Variants in C1orf198 observed in about 807,000 individuals in gnomAD.
C1orf198 encodes the protein uncharacterized protein C1orf198.
Under a neutral mutation model 31.4 loss-of-function variants are expected in C1orf198, and 17 were observed. That is an observed-to-expected ratio of 0.54 (90% confidence interval 0.37 to 0.81). The LOEUF (loss-of-function observed/expected upper bound fraction) is 0.81. C1orf198 is among the 40% of genes least tolerant of loss of function. The pLI, the probability that C1orf198 is intolerant of heterozygous loss-of-function variation, is 0.00. For synonymous variants in C1orf198, 175 were observed against 193.8 expected, an observed-to-expected ratio of 0.90 and a Z score of 0.81; for missense variants, 401 against 450.3, an observed-to-expected ratio of 0.89 and a Z score of 0.99.
At chr1:230,851,903 G>A (rs1398082032) in intron 2 of C1orf198, among the ~76,000 whole-genome samples, 3 of 152,232 alleles carry the variant, frequency 2.0e-5, no homozygotes, top group African/African-American at 7.2e-5. Context: ...ATGGTCATGG[G>A]CTGGCCAAGA....
chr1:230,867,463 G>T (rs1670146313), intron 1 of C1orf198, among the ~76,000 whole-genome samples: 1 of 152,110 alleles, frequency 6.6e-6, no homozygotes, highest in Admixed American at 6.5e-5. Context: ...CCTGTTATGT[G>T]GCCAAGACTT....
In C1orf198 at chr1:230,838,058, A is replaced by G. The variant is rs762675515; in HGVS notation, c.*1794T>C. ...TACATTTGCTACCATAGGTTCTACA[A>G]CAGCCCCATGCCCTCCAGGCAGAAG... On this transcript the variant is annotated 3_prime_UTR_variant, in exon 4 of 4. Transcript: ENST00000366663. The surrounding 1 kb of genome is among the most constrained non-coding windows in gnomAD (Gnocchi z 4.2). The G allele has an allele frequency of 2.6e-5, 4 of 152,244 alleles. No homozygotes were observed. The highest frequency in any genetic ancestry group is 5.9e-5 in the Non-Finnish European group (4 of 68,068). 9.4% of individuals were successfully genotyped at this position (152,244 alleles called of 1,614,324 possible).
At chr1:230,847,933 G>T (rs149705729) in intron 2 of C1orf198, among the ~76,000 whole-genome samples, 52 of 152,340 alleles carry the variant, frequency 3.4e-4, no homozygotes, top group African/African-American at 1.2e-3. Context: ...TCTAGAAGGT[G>T]AGACAGAACT....
chr1:230,855,069 T>G (rs1368944852), intron 2 of C1orf198, among the ~76,000 whole-genome samples: 2 of 152,082 alleles, frequency 1.3e-5, no homozygotes, highest in East Asian at 3.9e-4. Context: ...TTTTAGTCAT[T>G]TTGCTTATGA....
At position 230,838,372 on chromosome 1, in the gene C1orf198, A is replaced by T. The variant is rs1378114382; in HGVS notation, c.*1480T>A. 1 of 152,664 alleles carries T rather than the reference A, an allele frequency of 6.6e-6. No individual in the cohort carries two copies. The highest frequency in any genetic ancestry group is 1.5e-5 in the Non-Finnish European group (1 of 68,048). The allele number at this position is 152,664 out of a possible 1,614,324, so 9.5% of individuals were successfully genotyped here. A position where few individuals can be genotyped will look rare whatever the true frequency, so the allele number is the denominator to read the frequency against. On this transcript the variant is annotated 3_prime_UTR_variant, in exon 4 of 4. Transcript: ENST00000366663. This position sits in a 1 kb window ranked among gnomAD's most constrained non-coding sequence, Gnocchi z 4.2. ...ACATAAAACAATTGGCAAGAACCAA[A>T]TCAAAAGTTGGCTATGCCACAGCTT... is the stretch of plus-strand genomic sequence containing the variant.
intron 1 of C1orf198, among the ~76,000 whole-genome samples, chr1:230,866,223 A>G (rs1288046884): frequency 2.0e-5 from 3 of 152,196 alleles, no homozygotes; most frequent in Non-Finnish European, 4.4e-5. Context: ...TAAATTCCCT[A>G]CTGCTATTAA....
intron 1 of C1orf198, among the ~76,000 whole-genome samples, chr1:230,867,537 A>C (rs1389265275): frequency 6.6e-6 from 1 of 152,120 alleles, no homozygotes; most frequent in African/African-American, 2.4e-5. Context: ...CACCATGCTC[A>C]CCCTTAAAAC....
chr1:230,852,030 G>A (rs139579573), intron 2 of C1orf198, among the ~76,000 whole-genome samples: 103 of 152,346 alleles, frequency 6.8e-4, no homozygotes, highest in African/African-American at 2.3e-3. Context: ...AGGTAGATTC[G>A]TCAGGGGATG....
intron 3 of C1orf198, among the ~76,000 whole-genome samples, chr1:230,841,300 C>G (rs771596659): frequency 6.6e-6 from 1 of 152,128 alleles, no homozygotes; most frequent in Non-Finnish European, 1.5e-5. Flanking sequence ...GATGTGGAGC[C>G]GAGGTGGGCA....
rs762570612 is a variant in C1orf198, at chr1:230,868,369, C to T, written c.144G>A (p.Glu48=). The change falls in exon 1 of 4, where the codon GAG becomes GAA. Residue 48 remains glutamate (E), a synonymous_variant. Coordinates refer to ENST00000366663, the MANE Select transcript of C1orf198 (RefSeq NM_032800.3). ...CGGGCCCGTACTTCTCGCGGATCTT[C>T]TCCTTGTCCTGCATGATCTTCCTGG... ...PMARKIMQDK[E]KIREKYGPEW... 8 of 1,599,748 alleles carry T rather than the reference C, an allele frequency of 5.0e-6. No individual in the cohort carries two copies. Among genetic ancestry groups the T allele is most frequent in the Non-Finnish European group, 6.8e-6 (8 of 1,173,858 alleles).
rs914806606 is a variant in C1orf198 at position 230,868,098 on chromosome 1, TCA to T, written c.333+80_333+81del. 123 of 1,258,182 alleles carry T rather than the reference TCA, an allele frequency of 9.8e-5. 1 individual carries two copies. The African/African-American group carries it at 1.8e-3, about 19-fold the overall frequency. The allele number at this position is 1,258,182 out of a possible 1,614,324, so 77.9% of individuals were successfully genotyped here. A position where few individuals can be genotyped will look rare whatever the true frequency, so the allele number is the denominator to read the frequency against. ...CCAGCCCCTACCAGCTGGGGCGGCCTCACGCCGGCAGGTGCCCACCGGGCCGG... is the reference window on the plus strand; with the variant it reads ...CCAGCCCCTACCAGCTGGGGCGGCCTCGCCGGCAGGTGCCCACCGGGCCGG... On this transcript the variant is annotated intron_variant, in intron 1 of 3. Coordinates refer to ENST00000366663, the MANE Select transcript of C1orf198 (RefSeq NM_032800.3).
chr1:230,850,799 G>A (rs74144851), intron 2 of C1orf198, among the ~76,000 whole-genome samples: 1,924 of 152,142 alleles, frequency 0.013, 24 homozygotes, highest in East Asian at 0.07. Context: ...CAGAAGCCCC[G>A]TGACTGGTAG....
intron 1 of C1orf198, among the ~76,000 whole-genome samples, chr1:230,865,010 C>T (rs1020997331): frequency 6.6e-6 from 1 of 152,168 alleles, no homozygotes; most frequent in Non-Finnish European, 1.5e-5. Flanking sequence ...AATCAAGCAG[C>T]GTGGGTGAAA....
rs11355270 is a variant in C1orf198 at position 230,845,216 on chromosome 1, TAA to T, written c.385-1322_385-1321del. Among the ~76,000 whole-genome samples, 739 of 117,052 alleles carry T rather than the reference TAA, an allele frequency of 6.3e-3. 4 individuals carry two copies. The highest frequency in any genetic ancestry group is 8.2e-3 in the Non-Finnish European group (484 of 58,882). 76.8% of individuals were successfully genotyped at this position (117,052 alleles called of 152,430 possible). A position where few individuals can be genotyped will look rare whatever the true frequency, so the allele number is the denominator to read the frequency against. ...CTTCTCTACTAAAAATTAAAAAAATTAAAAAAAAAAAAAAAAAAGGCCAGGCA... is the reference window on the plus strand; with the variant it reads ...CTTCTCTACTAAAAATTAAAAAAATTAAAAAAAAAAAAAAAAGGCCAGGCA... On this transcript the variant is annotated intron_variant, in intron 2 of 3. Coordinates refer to ENST00000366663, the MANE Select transcript of C1orf198 (RefSeq NM_032800.3).
intron 2 of C1orf198, among the ~76,000 whole-genome samples, chr1:230,855,368 G>A (rs1235505595): frequency 6.6e-6 from 1 of 152,216 alleles, no homozygotes; most frequent in Non-Finnish European, 1.5e-5. Context: ...CCCCCAAGAG[G>A]GCTGGCCCCC....
At chr1:230,866,143 T>C (rs1558143892) in intron 1 of C1orf198, among the ~76,000 whole-genome samples, 2 of 152,142 alleles carry the variant, frequency 1.3e-5, no homozygotes, top group African/African-American at 4.8e-5. Flanking sequence ...CCATGAATGA[T>C]CTCCTGGGGA....
At chr1:230,849,001 G>C (rs1669663702) in intron 2 of C1orf198, among the ~76,000 whole-genome samples, 1 of 152,192 alleles carries the variant, frequency 6.6e-6, no homozygotes, top group South Asian at 2.1e-4. Flanking sequence ...CACAGCACCA[G>C]GACAGAGCGA....
At chr1:230,859,227 C>T (rs2102989671) in intron 1 of C1orf198, among the ~76,000 whole-genome samples, 1 of 152,258 alleles carries the variant, frequency 6.6e-6, no homozygotes, top group South Asian at 2.1e-4. Context: ...GCGGCACCCA[C>T]TCACACGCAT....
intron 1 of C1orf198, among the ~76,000 whole-genome samples, chr1:230,859,864 A>C (rs1276619446): frequency 6.6e-6 from 1 of 152,192 alleles, no homozygotes; most frequent in Non-Finnish European, 1.5e-5. Flanking sequence ...TTTTGCTCAT[A>C]GTGCTGGAAT....
Sources: allele counts gnomAD v4.1 joint callset (sites outside exome capture counted in the v4.1 genomes callset), GRCh38; gene constraint gnomAD v4.1.1; non-coding constraint Gnocchi (gnomAD v3.1); transcripts MANE v1.5; gene names NCBI Gene and HGNC (gene_info 2026-07-23, HGNC 2026-07-21).